The following CFAP20DC variants were observed in gnomAD, a reference collection of about 807,000 sequenced individuals.
CFAP20DC encodes the protein protein CFAP20DC.
CFAP20DC carries 84 observed loss-of-function variants against 101.7 expected under a neutral mutation model. The observed-to-expected ratio is 0.83, with a 90% CI of 0.69 to 0.99. The LOEUF (loss-of-function observed/expected upper bound fraction) is 0.99. Among genes scored for constraint, CFAP20DC ranks in the 50% least tolerant of loss-of-function variants. The probability of loss-of-function intolerance (pLI) is 0.00; values close to 1 mark genes in which losing one functional copy is unlikely to be tolerated. For missense variants in CFAP20DC, 1,007 were observed against 970.3 expected (o/e 1.04, Z -0.50); for synonymous variants, 359 against 351.2 (o/e 1.02, Z -0.25).
At chr3:58,943,031 C>A (rs771121256) in intron 4 of CFAP20DC, among the ~76,000 whole-genome samples, 1 of 152,236 alleles carries the variant, frequency 6.6e-6, no homozygotes, top group Non-Finnish European at 1.5e-5. Flanking sequence ...CTAGATTCCT[C>A]CTCTCTGGGC....
intron 14 of CFAP20DC, among the ~76,000 whole-genome samples, chr3:58,811,704 T>A (rs1475956202): frequency 6.6e-6 from 1 of 152,064 alleles, no homozygotes; most frequent in Non-Finnish European, 1.5e-5. Flanking sequence ...AATTGACAAA[T>A]GGGATCTAAT....
At chr3:58,923,127 G>A (rs1471487782) in intron 5 of CFAP20DC, among the ~76,000 whole-genome samples, 1 of 152,052 alleles carries the variant, frequency 6.6e-6, no homozygotes, top group East Asian at 1.9e-4. Context: ...GGTTAGTCTT[G>A]AATTCCTGAG....
chr3:59,038,378 T>C (rs1022814975), intron 4 of CFAP20DC, among the ~76,000 whole-genome samples: 2 of 152,236 alleles, frequency 1.3e-5, no homozygotes, highest in African/African-American at 2.4e-5. Context: ...GGCCAATGGA[T>C]TGAAATTGTG....
At chr3:58,904,858 G>A (rs2083452482) in intron 6 of CFAP20DC, among the ~76,000 whole-genome samples, 1 of 152,144 alleles carries the variant, frequency 6.6e-6, no homozygotes, top group African/African-American at 2.4e-5. Context: ...CGTGGCTTCT[G>A]AAGGAATAAA....
intron 4 of CFAP20DC, among the ~76,000 whole-genome samples, chr3:58,952,287 A>G (rs933846370): frequency 3.3e-5 from 5 of 152,190 alleles, no homozygotes; most frequent in African/African-American, 1.2e-4. Context: ...TAAATAATTC[A>G]TAAGTTTTAA....
intron 13 of CFAP20DC, among the ~76,000 whole-genome samples, chr3:58,842,038 T>A (rs2077154523): frequency 6.6e-6 from 1 of 152,198 alleles, no homozygotes; most frequent in African/African-American, 2.4e-5. Flanking sequence ...TTAAAAATAT[T>A]TGAACGTAGT....
chr3:59,037,733 C>T (rs745314539), intron 4 of CFAP20DC, among the ~76,000 whole-genome samples: 1 of 152,142 alleles, frequency 6.6e-6, no homozygotes, highest in Non-Finnish European at 1.5e-5. Flanking sequence ...CCTCAAGAAT[C>T]TAGAACCAGA....
At chr3:58,911,995 A>G (rs561434054) in intron 6 of CFAP20DC, among the ~76,000 whole-genome samples, 2 of 152,280 alleles carry the variant, frequency 1.3e-5, no homozygotes, top group East Asian at 1.9e-4. Flanking sequence ...AAACTTCTCT[A>G]TAAACCTAAA....
rs1340376579 is a variant in CFAP20DC, at chr3:58,914,559, C to T, written c.394-695G>A. Among the ~76,000 whole-genome samples the T allele has an allele frequency of 6.6e-6, 1 of 151,618 alleles. No individual in the cohort carries two copies. The highest frequency in any genetic ancestry group is 2.4e-5 in the African/African-American group (1 of 41,276). ...ATATTTAAGACTGTAGGACAAAAGC[C>T]AGAAAAATAATTTTTGAAATGAAAA... On this transcript the variant is annotated intron_variant, in intron 5 of 16. Coordinates refer to ENST00000482387, the MANE Select transcript of CFAP20DC (RefSeq NM_001394063.1). This position sits in a 1 kb window ranked among gnomAD's most constrained non-coding sequence, Gnocchi z 4.9.
At chr3:58,852,471 G>C (rs1212276533) in intron 12 of CFAP20DC, among the ~76,000 whole-genome samples, 3 of 151,942 alleles carry the variant, frequency 2.0e-5, no homozygotes, top group African/African-American at 7.3e-5. Flanking sequence ...ATTGAACTCA[G>C]CTCTGCACCA....
At chr3:58,965,499 A>G (rs926089682) in intron 4 of CFAP20DC, among the ~76,000 whole-genome samples, 1 of 152,148 alleles carries the variant, frequency 6.6e-6, no homozygotes, top group Non-Finnish European at 1.5e-5. Context: ...TCTGGAGACA[A>G]GGGTATTAGG....
chr3:58,785,009 G>A (rs2072193036), intron 15 of CFAP20DC, among the ~76,000 whole-genome samples: 2 of 152,052 alleles, frequency 1.3e-5, no homozygotes, highest in Non-Finnish European at 2.9e-5. Flanking sequence ...ATTCACAATA[G>A]CAAAGATAAG....
chr3:58,994,128 A>G (rs1167154526), intron 4 of CFAP20DC, among the ~76,000 whole-genome samples: 1 of 152,188 alleles, frequency 6.6e-6, no homozygotes, highest in Non-Finnish European at 1.5e-5. Flanking sequence ...ATAAAAACCT[A>G]TCTTCCTAGG....
intron 4 of CFAP20DC, among the ~76,000 whole-genome samples, chr3:59,034,338 C>T (rs778467819): frequency 3.9e-5 from 6 of 152,192 alleles, no homozygotes; most frequent in Non-Finnish European, 5.9e-5. Flanking sequence ...CAAATTCACA[C>T]ATAACAATAT....
At chr3:58,992,917 T>G (rs777899157) in intron 4 of CFAP20DC, among the ~76,000 whole-genome samples, 1 of 151,962 alleles carries the variant, frequency 6.6e-6, no homozygotes, top group South Asian at 2.1e-4. Context: ...TAAAAATACA[T>G]ATATAATTTA....
chr3:58,858,275 G>A lies in CFAP20DC; in HGVS notation c.1593+5283C>T, dbSNP rs749094779. ...ATTTGTTTGTTAAATATTCAGTCAC[G>A]CCCCAGTGCCAGGAACATCAATAGA... is the stretch of plus-strand genomic sequence containing the variant. On this transcript the variant is annotated intron_variant, in intron 12 of 16. Coordinates refer to ENST00000482387, the MANE Select transcript of CFAP20DC (RefSeq NM_001394063.1). Among the ~76,000 whole-genome samples the A allele has an allele frequency of 4.6e-5, 7 of 152,080 alleles. No individual in the cohort carries two copies. The Middle Eastern group carries it at 0.01, about 222-fold the overall frequency.
Position 58,888,795 on chromosome 3 carries a change from T to G in CFAP20DC, c.551-4086A>C, listed in dbSNP as rs762433333. Among the ~76,000 whole-genome samples, 5 of 152,336 alleles carry G rather than the reference T, an allele frequency of 3.3e-5. No individual in the cohort carries two copies. In the South Asian group the frequency reaches 6.2e-4, roughly 19 times the overall value. ...GAACATATGCGTGCATGTATCCTTA[T>G]AGTAGAATTATTTATACTCCTTTGG... On this transcript the variant is annotated intron_variant, in intron 6 of 16. Coordinates refer to ENST00000482387, the MANE Select transcript of CFAP20DC (RefSeq NM_001394063.1).
At position 58,863,211 on chromosome 3, in the gene CFAP20DC, A is replaced by T; in HGVS notation, c.1593+347T>A. The T allele has an allele frequency of 8.0e-7, 1 of 1,254,918 alleles. No homozygotes were observed. The highest frequency in any genetic ancestry group is 1.0e-6 in the Non-Finnish European group (1 of 1,002,188). The allele number at this position is 1,254,918 out of a possible 1,614,324, so 77.7% of individuals were successfully genotyped here. A position where few individuals can be genotyped will look rare whatever the true frequency, so the allele number is the denominator to read the frequency against. ...CAACTGCAACACAATTTCTCCAGAG[A>T]TCTAGAACAGTATATTCTCAGTGTT... On this transcript the variant is annotated intron_variant, in intron 12 of 16. Transcript: ENST00000482387. The surrounding 1 kb of genome is among the most constrained non-coding windows in gnomAD (Gnocchi z 5.9).
intron 13 of CFAP20DC, among the ~76,000 whole-genome samples, chr3:58,840,292 C>T (rs2077012202): frequency 6.6e-6 from 1 of 152,040 alleles, no homozygotes; most frequent in Admixed American, 6.6e-5. Flanking sequence ...TAGGAGTGTC[C>T]CACTTAGTAA....
Sources: gnomAD v4.1 joint callset for allele counts (sites outside exome capture counted in the v4.1 genomes callset) on GRCh38, gnomAD v4.1.1 for gene constraint, Gnocchi (gnomAD v3.1) non-coding constraint, MANE v1.5 for transcripts, NCBI Gene and HGNC (gene_info 2026-07-23, HGNC 2026-07-21) for gene names.